SDK1: variants seen among roughly 807,000 people sequenced by gnomAD.
The protein encoded by SDK1 is sidekick cell adhesion molecule 1.
SDK1 carries 157 observed loss-of-function variants against 245.5 expected under a neutral mutation model. The ratio of observed to expected loss-of-function variants is 0.64; its 90% CI spans 0.56 to 0.73. SDK1 has a LOEUF of 0.73. SDK1 is among the 30% of genes least tolerant of loss of function. SDK1 has a pLI of 0.00. For synonymous variants in SDK1, 1,647 were observed against 1,278.5 expected (o/e 1.29, Z -6.15); for missense variants, 3,583 against 3,002.3 (o/e 1.19, Z -4.52).
intron 5 of SDK1, among the ~76,000 whole-genome samples, chr7:3,920,857 C>T (rs1180166725): frequency 6.6e-6 from 1 of 152,110 alleles, no homozygotes; most frequent in Non-Finnish European, 1.5e-5. Flanking sequence ...ATGGATCTCG[C>T]AATTGAGTGC....
Position 4,266,342 on chromosome 7 carries a change from G to T in SDK1, c.*958G>T, listed in dbSNP as rs1480567205. ...CAGGTGCCTTTTTATTAATTGTTCA[G>T]CTTTGTACATGGGAAAGATGAAAAG... is the stretch of plus-strand genomic sequence containing the variant. On this transcript the variant is annotated 3_prime_UTR_variant, in exon 45 of 45. Coordinates refer to ENST00000404826, the MANE Select transcript of SDK1 (RefSeq NM_152744.4). 8 of 985,212 alleles carry T rather than the reference G, an allele frequency of 8.1e-6. No individual in the cohort carries two copies. The highest frequency in any genetic ancestry group is 9.6e-6 in the Non-Finnish European group (8 of 829,924). The allele number at this position is 985,212 out of a possible 1,614,324, so 61.0% of individuals were successfully genotyped here. A position where few individuals can be genotyped will look rare whatever the true frequency, so the allele number is the denominator to read the frequency against.
intron 44 of SDK1, 108 bp downstream of exon 44, chr7:4,245,913 C>T (rs1286641903): frequency 7.4e-7 from 1 of 1,350,924 alleles, no homozygotes; most frequent in Non-Finnish European, 1.0e-6. Flanking sequence ...ATAACATCCC[C>T]ACAGGCAGAG....
chr7:4,073,862 C>G (rs7807206), intron 20 of SDK1, among the ~76,000 whole-genome samples: 62,873 of 151,760 alleles, frequency 0.41, 15,786 homozygotes, highest in African/African-American at 0.71. Context: ...CTTGCAAGAT[C>G]GAGTGTGTGG....
chr7:4,209,951 G>T, intron 37 of SDK1, 74 bp from the exon 38 acceptor site: 1 of 1,229,974 alleles, frequency 8.1e-7, no homozygotes, highest in South Asian at 1.9e-5. Flanking sequence ...TATTCTATAC[G>T]GAGGCACAGA....
chr7:3,357,280 G>A (rs983080649), intron 1 of SDK1, among the ~76,000 whole-genome samples: 5 of 136,654 alleles, frequency 3.7e-5, no homozygotes, highest in Non-Finnish European at 7.8e-5. Flanking sequence ...AAGGAATTTG[G>A]CATTTTATGT....
intron 5 of SDK1, among the ~76,000 whole-genome samples, chr7:3,933,425 C>T (rs533041858): frequency 2.0e-5 from 3 of 152,232 alleles, no homozygotes; most frequent in South Asian, 2.1e-4. Context: ...TCCTGGTGTT[C>T]GGACACGGGA....
intron 44 of SDK1, among the ~76,000 whole-genome samples, chr7:4,255,914 CTTTTTTT>C (rs34810935): frequency 5.8e-5 from 6 of 104,094 alleles, no homozygotes; most frequent in South Asian, 3.4e-4. Flanking sequence ...TTTCCAAATA[CTTTTTTT>C]TTTTTTTTTT....
chr7:4,146,747 G>A (rs1298771228), intron 29 of SDK1, among the ~76,000 whole-genome samples: 2 of 152,240 alleles, frequency 1.3e-5, no homozygotes, highest in African/African-American at 4.8e-5. Context: ...GGGCGAGCAG[G>A]GCTCTGCTCC....
chr7:3,744,532 C>G (rs1779562458), intron 4 of SDK1, among the ~76,000 whole-genome samples: 1 of 152,100 alleles, frequency 6.6e-6, no homozygotes, highest in African/African-American at 2.4e-5. Context: ...AGAAGACAGG[C>G]CAGGCATGGT....
chr7:3,508,414 A>C (rs1440666106), intron 1 of SDK1, among the ~76,000 whole-genome samples: 1 of 142,310 alleles, frequency 7.0e-6, no homozygotes, highest in Non-Finnish European at 1.5e-5. Flanking sequence ...TGTAACCTCT[A>C]CCTCCTCGGT....
At chr7:4,029,228 T>TTTTTTTGTG (rs746967075) in intron 17 of SDK1, among the ~76,000 whole-genome samples, 1 of 112,088 alleles carries the variant, frequency 8.9e-6, no homozygotes. Flanking sequence ...TTTTTTTTTT[T>TTTTTTTGTG]TGTGAAGAAG....
chr7:3,392,434 T>A (rs1001148337), intron 1 of SDK1, among the ~76,000 whole-genome samples: 1 of 152,166 alleles, frequency 6.6e-6, no homozygotes, highest in Admixed American at 6.5e-5. Context: ...ATATATACTT[T>A]TATGGTGGTA....
At chr7:3,884,672 G>A (rs1299156082) in intron 5 of SDK1, among the ~76,000 whole-genome samples, 1 of 152,204 alleles carries the variant, frequency 6.6e-6, no homozygotes, top group Non-Finnish European at 1.5e-5. Flanking sequence ...AAGTGCACGG[G>A]CCAGTGTGGG....
intron 16 of SDK1, among the ~76,000 whole-genome samples, chr7:4,012,717 G>A (rs1786089413): frequency 6.6e-6 from 1 of 151,642 alleles, no homozygotes; most frequent in Non-Finnish European, 1.5e-5. Flanking sequence ...GGGATTACAG[G>A]CATGTGCCAC....
chr7:3,455,177 C>G (rs1173544094), intron 1 of SDK1, among the ~76,000 whole-genome samples: 1 of 151,150 alleles, frequency 6.6e-6, no homozygotes. Context: ...AATATATATT[C>G]TAGATACTTG....
chr7:4,063,237 A>G (rs1279806529), intron 19 of SDK1, among the ~76,000 whole-genome samples: 2 of 152,224 alleles, frequency 1.3e-5, no homozygotes, highest in African/African-American at 4.8e-5. Flanking sequence ...TATCTGATAA[A>G]TAAATTTGGT....
chr7:4,150,981 G>A (rs762228584), intron 30 of SDK1, among the ~76,000 whole-genome samples: 17 of 152,202 alleles, frequency 1.1e-4, no homozygotes, highest in Non-Finnish European at 2.1e-4. Context: ...GGCAAGTGAC[G>A]GGCTCTCAGG....
chr7:3,530,283 T>TG (rs1400600025), intron 1 of SDK1, among the ~76,000 whole-genome samples: 1 of 152,204 alleles, frequency 6.6e-6, no homozygotes, highest in African/African-American at 2.4e-5. Context: ...ATATTTCTGA[T>TG]GCAAGAATAT....
intron 19 of SDK1, among the ~76,000 whole-genome samples, chr7:4,067,062 T>A (rs1779954341): frequency 6.6e-6 from 1 of 152,146 alleles, no homozygotes; most frequent in Non-Finnish European, 1.5e-5. Context: ...CATCCTCGTG[T>A]TTTCATGTTT....
Sources: allele counts gnomAD v4.1 joint callset (sites outside exome capture counted in the v4.1 genomes callset), GRCh38; gene constraint gnomAD v4.1.1; transcripts MANE v1.5; gene names NCBI Gene and HGNC (gene_info 2026-07-23, HGNC 2026-07-21).